The following ZC3H12B variants were observed in gnomAD, a reference collection of about 807,000 sequenced individuals.
ZC3H12B encodes probable ribonuclease ZC3H12B.
Under a neutral mutation model 43.9 loss-of-function variants are expected in ZC3H12B, and 7 were observed. That is an observed-to-expected ratio of 0.16 (90% CI 0.09 to 0.30). ZC3H12B has a LOEUF of 0.30. ZC3H12B is among the 10% of genes least tolerant of loss of function. The probability of loss-of-function intolerance (pLI) is 1.00; values close to 1 mark genes in which losing one functional copy is unlikely to be tolerated. For missense variants in ZC3H12B, 475 were observed against 670.2 expected (o/e 0.71, Z 3.22); for synonymous variants, 222 against 241.7 (o/e 0.92, Z 0.76).
chrX:65,291,118 G>T, the ZC3H12B span, among the ~76,000 whole-genome samples: 1 of 111,094 alleles, frequency 9.0e-6, no homozygotes, highest in African/African-American at 3.3e-5. Flanking sequence ...CACATCTTTT[G>T]TGATGGCCAT....
At chrX:65,376,410 C>G (rs1453394563) in intron 2 of ZC3H12B, among the ~76,000 whole-genome samples, 1 of 111,573 alleles carries the variant, frequency 9.0e-6, no homozygotes, top group African/African-American at 3.3e-5. Context: ...GTAGTGCCCT[C>G]TGGCCTTGAG....
At position 65,400,126 on chromosome X, in the gene ZC3H12B, G is replaced by A. The variant is rs2066746416; in HGVS notation, n.407+1422G>A. On this transcript the variant is annotated intron_variant and non_coding_transcript_variant, in intron 3 of 5. Coordinates refer to the ZC3H12B transcript ENST00000617377. ...ACCTAGTATTTGCTAGGACAACAGGGTGACTATAGTAAAAAGTAAACAATA... is the reference window on the plus strand; with the variant it reads ...ACCTAGTATTTGCTAGGACAACAGGATGACTATAGTAAAAAGTAAACAATA... 3.6e-5 allele frequency among the ~76,000 whole-genome samples: 4 copies of A among 110,605 alleles called. No homozygotes were observed. In the South Asian group the frequency reaches 1.5e-3, roughly 42 times the overall value.
At chrX:65,076,300 C>A in the ZC3H12B span, among the ~76,000 whole-genome samples, 1 of 110,091 alleles carries the variant, frequency 9.1e-6, no homozygotes, top group Non-Finnish European at 1.9e-5. Flanking sequence ...CCATGCCTAG[C>A]TGATTTTTGT....
chrX:65,350,140 A>T, the ZC3H12B span, among the ~76,000 whole-genome samples: 1 of 104,778 alleles, frequency 9.5e-6, no homozygotes, highest in Non-Finnish European at 1.9e-5. Flanking sequence ...CCAGCAGCAT[A>T]TCACAAAGCT....
At chrX:65,105,425 A>G in the ZC3H12B span, among the ~76,000 whole-genome samples, 13 of 111,525 alleles carry the variant, frequency 1.2e-4, no homozygotes, top group Non-Finnish European at 2.4e-4. Flanking sequence ...TAAAATTTAA[A>G]AAAAGAATAC....
chrX:65,379,589 G>T (rs756549374), intron 2 of ZC3H12B, among the ~76,000 whole-genome samples: 1 of 112,420 alleles, frequency 8.9e-6, no homozygotes, highest in Non-Finnish European at 1.9e-5. Context: ...CACCAGCAAC[G>T]GAACAAAGCT....
the ZC3H12B span, among the ~76,000 whole-genome samples, chrX:65,304,150 T>A: frequency 1.2e-4 from 13 of 112,140 alleles, no homozygotes; most frequent in Non-Finnish European, 1.7e-4. Context: ...TCTAACTTAT[T>A]TAAGACAGTG....
At chrX:65,255,434 C>T in the ZC3H12B span, among the ~76,000 whole-genome samples, 1 of 111,896 alleles carries the variant, frequency 8.9e-6, no homozygotes, top group Non-Finnish European at 1.9e-5. Context: ...CATATCCTGC[C>T]AGACTAAGCT....
At chrX:65,158,222 G>T in the ZC3H12B span, among the ~76,000 whole-genome samples, 1 of 109,707 alleles carries the variant, frequency 9.1e-6, no homozygotes, top group East Asian at 2.9e-4. Flanking sequence ...GAATAGTGCC[G>T]CAATAAACAT....
At chrX:65,442,991 G>C (rs140386519) in intron 3 of ZC3H12B, among the ~76,000 whole-genome samples, 1 of 110,733 alleles carries the variant, frequency 9.0e-6, no homozygotes, top group Non-Finnish European at 1.9e-5. Context: ...AGAAAGATTT[G>C]GGGGGTCATT....
the ZC3H12B span, among the ~76,000 whole-genome samples, chrX:65,312,647 G>T: frequency 9.0e-6 from 1 of 111,584 alleles, no homozygotes; most frequent in Non-Finnish European, 1.9e-5. Flanking sequence ...TTATGTCACA[G>T]TTCTGGAGAA....
the ZC3H12B span, among the ~76,000 whole-genome samples, chrX:65,128,584 T>C: frequency 3.6e-5 from 4 of 112,162 alleles, no homozygotes; most frequent in African/African-American, 1.3e-4. Context: ...TGGTTTGTAG[T>C]GTTCTTGCAT....
At chrX:65,084,038 G>A in the ZC3H12B span, among the ~76,000 whole-genome samples, 1 of 111,329 alleles carries the variant, frequency 9.0e-6, no homozygotes, top group African/African-American at 3.3e-5. Flanking sequence ...AATGGTGCTG[G>A]GAAAACCGGA....
At chrX:65,398,913 C>T (rs1192249268) in intron 3 of ZC3H12B, among the ~76,000 whole-genome samples, 1 of 111,811 alleles carries the variant, frequency 8.9e-6, no homozygotes, top group Admixed American at 9.5e-5. Context: ...GTGCCAAGAA[C>T]ACACTTTGGG....
At chrX:65,211,647 G>GTAATTATATATACATAATATATATTATA in the ZC3H12B span, among the ~76,000 whole-genome samples, 1 of 89,298 alleles carries the variant, frequency 1.1e-5, no homozygotes, top group African/African-American at 4.1e-5. Context: ...AATTATGCCT[G>GTAATTATATATACATAATATATATTATA]TAATTATATA....
intron 3 of ZC3H12B, among the ~76,000 whole-genome samples, chrX:65,443,866 C>T (rs1253651541): frequency 8.9e-6 from 1 of 112,599 alleles, no homozygotes; most frequent in Admixed American, 9.3e-5. Context: ...TATCTATTTC[C>T]ATCATTTTAT....
chrX:65,323,461 G>A, the ZC3H12B span, among the ~76,000 whole-genome samples: 2 of 111,838 alleles, frequency 1.8e-5, no homozygotes, highest in Non-Finnish European at 3.8e-5. Flanking sequence ...TTCTGATCCT[G>A]TGTTAGTTTG....
Position 65,401,220 on chromosome X carries a change from G to T in ZC3H12B, n.407+2516G>T, listed in dbSNP as rs563060904. ...CTGAATCTCAAATGCCACCCCTTCCGCACCCTTGGCAGCAGCAGTGTGGTA... is the reference window on the plus strand; with the variant it reads ...CTGAATCTCAAATGCCACCCCTTCCTCACCCTTGGCAGCAGCAGTGTGGTA... On this transcript the variant is annotated intron_variant and non_coding_transcript_variant, in intron 3 of 5. Transcript: ENST00000617377. Among the ~76,000 whole-genome samples the T allele has an allele frequency of 2.7e-5, 3 of 111,398 alleles. No homozygotes were observed. The South Asian group carries it at 1.1e-3, about 42-fold the overall frequency.
At chrX:65,176,729 G>A in the ZC3H12B span, among the ~76,000 whole-genome samples, 2 of 111,721 alleles carry the variant, frequency 1.8e-5, no homozygotes, top group Non-Finnish European at 3.8e-5. Context: ...ACTAAACCAG[G>A]AAGAGGTCAA....
Sources: allele counts gnomAD v4.1 joint callset (sites outside exome capture counted in the v4.1 genomes callset), GRCh38; gene constraint gnomAD v4.1.1; transcripts MANE v1.5; gene names NCBI Gene and HGNC (gene_info 2026-07-23, HGNC 2026-07-21).